The following ARID3A variants were observed in gnomAD, a reference collection of about 807,000 sequenced individuals.
ARID3A encodes the protein AT-rich interactive domain-containing protein 3A.
Under a neutral mutation model 52.7 loss-of-function variants are expected in ARID3A, and 11 were observed. The observed-to-expected ratio is 0.21, with a 90% confidence interval of 0.13 to 0.35. The LOEUF (loss-of-function observed/expected upper bound fraction) is 0.35. Among genes scored for constraint, ARID3A ranks in the 10% least tolerant of loss-of-function variants. The pLI, the probability that ARID3A is intolerant of heterozygous loss-of-function variation, is 1.00. For synonymous variants in ARID3A, 404 were observed against 359.4 expected, an observed-to-expected ratio of 1.12 and a Z score of -1.40; for missense variants, 721 against 838.5, an observed-to-expected ratio of 0.86 and a Z score of 1.73.
intron 7 of ARID3A, among the ~76,000 whole-genome samples, chr19:968,032 G>A (rs1327432055): frequency 3.0e-5 from 4 of 132,818 alleles, no homozygotes; most frequent in East Asian, 4.5e-4. Flanking sequence ...GTGACAGAGT[G>A]AGACTCCGTC....
At chr19:931,674 G>A (rs1472489051) in intron 2 of ARID3A, among the ~76,000 whole-genome samples, 3 of 151,902 alleles carry the variant, frequency 2.0e-5, no homozygotes, top group African/African-American at 7.3e-5. Flanking sequence ...TTAGCCAGGC[G>A]TGGTGGCGGG....
intron 8 of ARID3A, among the ~76,000 whole-genome samples, chr19:971,087 C>T (rs1204248493): frequency 6.6e-6 from 1 of 152,228 alleles, no homozygotes; most frequent in Admixed American, 6.5e-5. Flanking sequence ...GAGCTGTGTG[C>T]ACGCTGATGT....
At chr19:970,673 C>T (rs1318364344) in intron 8 of ARID3A, among the ~76,000 whole-genome samples, 1 of 151,852 alleles carries the variant, frequency 6.6e-6, no homozygotes, top group East Asian at 1.9e-4. Flanking sequence ...CGGGGTTTCA[C>T]CATGTTGGTC....
chr19:933,607 G>A lies in ARID3A; in HGVS notation c.693+865G>A, dbSNP rs62132344. Among the ~76,000 whole-genome samples the A allele has an allele frequency of 2.0e-3, 300 of 152,222 alleles. 1 individual carries two copies. Among genetic ancestry groups the A allele is most frequent in the Non-Finnish European group, 3.5e-3 (239 of 67,974 alleles). On this transcript the variant is annotated intron_variant, in intron 3 of 8. Coordinates refer to ENST00000263620, the MANE Select transcript of ARID3A (RefSeq NM_005224.3). Reference sequence around the variant, plus strand: ...ATGCCTGCCTCGGGGCAGCCCCTTCGGCCCTGGGCTTCCAGAATCCGCTCT... The same window carrying A: ...ATGCCTGCCTCGGGGCAGCCCCTTCAGCCCTGGGCTTCCAGAATCCGCTCT...
At chr19:951,980 T>TA (rs1250608569) in intron 3 of ARID3A, among the ~76,000 whole-genome samples, 4 of 149,850 alleles carry the variant, frequency 2.7e-5, no homozygotes, top group African/African-American at 9.9e-5. Flanking sequence ...TGCAAAAAAT[T>TA]TAAAAAAAAA....
chr19:945,425 C>T (rs980579531), intron 3 of ARID3A, among the ~76,000 whole-genome samples: 4 of 151,642 alleles, frequency 2.6e-5, no homozygotes, highest in African/African-American at 7.3e-5. Flanking sequence ...TGCTCCCTAG[C>T]GGGGAGGTGT....
intron 2 of ARID3A, among the ~76,000 whole-genome samples, chr19:931,981 C>A (rs1279982703): frequency 6.6e-6 from 1 of 151,102 alleles, no homozygotes; most frequent in African/African-American, 2.4e-5. Context: ...ATGCAGGAAC[C>A]AGCCTGCCGT....
rs779840430 is a variant in ARID3A, at chr19:947,899, C to G, written c.694-12193C>G. 2.0e-5 allele frequency among the ~76,000 whole-genome samples: 3 copies of G among 152,198 alleles called. No homozygotes were observed. The highest frequency in any genetic ancestry group is 2.1e-4 in the South Asian group (1 of 4,830). On this transcript the variant is annotated intron_variant, in intron 3 of 8. Transcript: ENST00000263620. This position sits in a 1 kb window ranked among gnomAD's most constrained non-coding sequence, Gnocchi z 6.3. ...CGGGGCTCTCAGCATCTGCATCCGCCGAGGCCTGGCTGTGCTGACGGGAAT... is the reference window on the plus strand; with the variant it reads ...CGGGGCTCTCAGCATCTGCATCCGCGGAGGCCTGGCTGTGCTGACGGGAAT...
intron 1 of ARID3A, among the ~76,000 whole-genome samples, chr19:927,791 G>T (rs1351415399): frequency 6.6e-6 from 1 of 152,142 alleles, no homozygotes; most frequent in Non-Finnish European, 1.5e-5. Context: ...CCAGCGCTAT[G>T]GCCCTGAGGT....
At chr19:955,926 G>A (rs757924984) in intron 3 of ARID3A, among the ~76,000 whole-genome samples, 23 of 152,248 alleles carry the variant, frequency 1.5e-4, no homozygotes, top group Middle Eastern at 3.4e-3. Flanking sequence ...CGAGGCGTCC[G>A]CAGGGCTGCG....
intron 3 of ARID3A, among the ~76,000 whole-genome samples, chr19:940,900 T>C (rs1440520303): frequency 1.3e-5 from 2 of 152,012 alleles, no homozygotes; most frequent in Non-Finnish European, 1.5e-5. Flanking sequence ...CCGGGCCAGC[T>C]GGGCCCTGGC....
Position 964,887 on chromosome 19 carries a change from C to G in ARID3A, c.1005C>G (p.Pro335=), listed in dbSNP as rs1358110867. The G allele has an allele frequency of 6.2e-7, 1 of 1,613,988 alleles. No individual in the cohort carries two copies. The highest frequency in any genetic ancestry group is 1.1e-5 in the South Asian group (1 of 91,088). ...YECEKRGLSN[P]NELQAAIDSN... is the part of the protein sequence containing the mutation. Reference sequence around the variant, plus strand: ...GTGAGAAGCGGGGCCTCAGTAACCCCAATGAGCTCCAGGCAGCCATAGACA... The same window carrying G: ...GTGAGAAGCGGGGCCTCAGTAACCCGAATGAGCTCCAGGCAGCCATAGACA... Residue 335 remains proline (P), a synonymous_variant, in exon 6 of 9, where the codon CCC becomes CCG. Coordinates refer to ENST00000263620, the MANE Select transcript of ARID3A (RefSeq NM_005224.3). The surrounding 1 kb of genome is among the most constrained non-coding windows in gnomAD (Gnocchi z 5.7).
rs74873695 is a variant in ARID3A, at chr19:944,325, GGTGT to G, written c.693+11604_693+11607del. On this transcript the variant is annotated intron_variant, in intron 3 of 8. Transcript: ENST00000263620. The surrounding 1 kb of genome is among the most constrained non-coding windows in gnomAD (Gnocchi z 5.9). Reference sequence around the variant, plus strand: ...TCTGGCTGCAGGGGCGCGTCCAGGGGGTGTGTGTGTGTGTGTGTGTGTGTCTGCG... The same window carrying G: ...TCTGGCTGCAGGGGCGCGTCCAGGGGGTGTGTGTGTGTGTGTGTGTCTGCG... Among the ~76,000 whole-genome samples, 30 of 149,822 alleles carry G rather than the reference GGTGT, an allele frequency of 2.0e-4. No homozygotes were observed. Among genetic ancestry groups the G allele is most frequent in the East Asian group, 6.0e-4 (3 of 5,014 alleles).
At chr19:968,753 T>C (rs553005797) in intron 8 of ARID3A, 1 of 383,376 alleles carries the variant, frequency 2.6e-6, no homozygotes, top group Non-Finnish European at 4.8e-6. Context: ...TGGTTCACAT[T>C]CCTAGTTTTT....
Position 947,197 on chromosome 19 carries a change from AG to A in ARID3A, c.694-12894del, listed in dbSNP as rs1333424271. 6.6e-6 allele frequency among the ~76,000 whole-genome samples: 1 copy of A among 152,178 alleles called. No homozygotes were observed. Among genetic ancestry groups the A allele is most frequent in the Non-Finnish European group, 1.5e-5 (1 of 68,026 alleles). ...GTGGCCTGGGGCACCCCCTGCCGTCAGCCCAGATCTGTGTCTGTGTCTGCAT... is the reference window on the plus strand; with the variant it reads ...GTGGCCTGGGGCACCCCCTGCCGTCACCCAGATCTGTGTCTGTGTCTGCAT... On this transcript the variant is annotated intron_variant, in intron 3 of 8. Transcript: ENST00000263620. This position sits in a 1 kb window ranked among gnomAD's most constrained non-coding sequence, Gnocchi z 6.3.
chr19:930,098 C>T (rs556229372), intron 2 of ARID3A, among the ~76,000 whole-genome samples: 120 of 152,052 alleles, frequency 7.9e-4, no homozygotes, highest in African/African-American at 2.4e-3. Flanking sequence ...ACCCCATCTC[C>T]GCAAAAAATT....
chr19:971,770 G>A (rs2038279749), intron 8 of ARID3A, 108 bp from the exon 9 acceptor site: 3 of 1,376,472 alleles, frequency 2.2e-6, no homozygotes, highest in East Asian at 5.3e-5. Context: ...CTGGGGGACA[G>A]AGTGAGAGAG....
chr19:963,549 G>C (rs1044927254), intron 4 of ARID3A, among the ~76,000 whole-genome samples: 33 of 152,288 alleles, frequency 2.2e-4, no homozygotes, highest in Admixed American at 1.0e-3. Flanking sequence ...GAAGGGCGGG[G>C]AGGGGCCACG....
In ARID3A at chr19:942,498, A is replaced by G. The variant is rs563882674; in HGVS notation, c.693+9756A>G. 5.9e-5 allele frequency among the ~76,000 whole-genome samples: 9 copies of G among 152,338 alleles called. No individual in the cohort carries two copies. Among genetic ancestry groups the G allele is most frequent in the Non-Finnish European group, 1.3e-4 (9 of 68,030 alleles). On this transcript the variant is annotated intron_variant, in intron 3 of 8. Transcript: ENST00000263620. This position sits in a 1 kb window ranked among gnomAD's most constrained non-coding sequence, Gnocchi z 8.1. ...CTCTTCTCCGCTCTGCCGGCTGCACATGGCCAGAGGACAATTGGGGGTCAC... is the reference window on the plus strand; with the variant it reads ...CTCTTCTCCGCTCTGCCGGCTGCACGTGGCCAGAGGACAATTGGGGGTCAC...
Sources: gnomAD v4.1 joint callset for allele counts (sites outside exome capture counted in the v4.1 genomes callset) on GRCh38, gnomAD v4.1.1 for gene constraint, Gnocchi (gnomAD v3.1) non-coding constraint, MANE v1.5 for transcripts, NCBI Gene and HGNC (gene_info 2026-07-23, HGNC 2026-07-21) for gene names.